Variants in CCDC180 observed in about 807,000 individuals in gnomAD.
The protein encoded by CCDC180 is coiled-coil domain containing 180.
A neutral mutation model predicts 209.2 loss-of-function variants in CCDC180; 154 were observed. The observed-to-expected ratio is 0.74, with a 90% CI of 0.65 to 0.84. CCDC180 has a LOEUF of 0.84. CCDC180 is among the 40% of genes least tolerant of loss of function. The pLI, the probability that CCDC180 is intolerant of heterozygous loss-of-function variation, is 0.00. For missense variants in CCDC180, 1,874 were observed against 1,997.3 expected, an observed-to-expected ratio of 0.94 and a Z score of 1.18; for synonymous variants, 778 against 749.1, an observed-to-expected ratio of 1.04 and a Z score of -0.63.
chr9:97,329,128 T>G (rs928079554), intron 16 of CCDC180, among the ~76,000 whole-genome samples: 1 of 152,150 alleles, frequency 6.6e-6, no homozygotes. Context: ...CCAGAAGAGA[T>G]TCCTGTTTAG....
intron 31 of CCDC180, among the ~76,000 whole-genome samples, chr9:97,368,822 C>G (rs1826997274): frequency 1.3e-5 from 2 of 152,164 alleles, no homozygotes; most frequent in Non-Finnish European, 2.9e-5. Flanking sequence ...AGACTAAGAG[C>G]TCACAGTAAT....
chr9:97,316,821 T>C (rs1362946538), intron 8 of CCDC180, among the ~76,000 whole-genome samples: 2 of 152,166 alleles, frequency 1.3e-5, no homozygotes, highest in Non-Finnish European at 2.9e-5. Context: ...GAGCTGAAGC[T>C]CATGCAGTCA....
chr9:97,330,561 A>G lies in CCDC180; in HGVS notation c.2068A>G (p.Ile690Val). 1 of 1,614,206 alleles carries G rather than the reference A, an allele frequency of 6.2e-7. No homozygotes were observed. The highest frequency in any genetic ancestry group is 8.5e-7 in the Non-Finnish European group (1 of 1,180,044). ...AKMDESKEGS[I>V]QGLEEMQVER... is the part of the protein sequence containing the mutation. ...GATGGATGAGTCCAAAGAAGGCTCT[A>G]TTCAGGGACTGGAAGAAATGCAGGT... The change falls in exon 18 of 37, where the codon ATT (isoleucine) becomes GTT (valine). Residue 690 changes from isoleucine (I) to valine (V), a missense_variant. Ile to Val is a conservative substitution (Grantham distance 29). Transcript: ENST00000529487.
In CCDC180 at chr9:97,330,151, T is replaced by C. The variant is rs932236368; in HGVS notation, c.1789-3T>C. The C allele has an allele frequency of 6.8e-6, 11 of 1,613,556 alleles. No individual in the cohort carries two copies. In the African/African-American group the frequency reaches 1.1e-4, roughly 16 times the overall value. The stretch of plus-strand genomic sequence containing the variant: ...TTCAGTGACTCTTGGTTTTTCCTTG[T>C]AGAACTTGGCTGGAGAAGTCATTTT... On this transcript the variant is annotated splice_region_variant and splice_polypyrimidine_tract_variant and intron_variant, in intron 16 of 36. Transcript: ENST00000529487.
At chr9:97,351,310 A>G (rs897129844) in intron 22 of CCDC180, among the ~76,000 whole-genome samples, 4 of 152,170 alleles carry the variant, frequency 2.6e-5, no homozygotes, top group Non-Finnish European at 4.4e-5. Flanking sequence ...ATTATCACCA[A>G]CGCTTGTACT....
chr9:97,318,687 G>T, intron 10 of CCDC180, 105 bp downstream of exon 10: 1 of 1,465,420 alleles, frequency 6.8e-7, no homozygotes, highest in Non-Finnish European at 9.2e-7. Context: ...AGACTAAGCA[G>T]ACCAACTCCC....
In CCDC180 at chr9:97,362,216, C is replaced by A; in HGVS notation, c.3677C>A (p.Pro1226Gln). 6.2e-7 allele frequency: 1 copy of A among 1,613,090 alleles called. No individual in the cohort carries two copies. The highest frequency in any genetic ancestry group is 8.5e-7 in the Non-Finnish European group (1 of 1,179,204). The change falls in exon 28 of 37, where the codon CCA becomes CAA. Residue 1226 changes from proline to glutamine, a missense_variant. Coordinates refer to ENST00000529487, the MANE Select transcript of CCDC180 (RefSeq NM_020893.6). ...TTCAGACTTCCCAACACAAAATGGC[C>A]AACCCACCATTGTGACAAAGATCCG... ...KLLQLPNTKW[P>Q]THHCDKDPSQ...
rs201085376 is a variant in CCDC180, at chr9:97,330,702, A to G, written c.2209A>G (p.Lys737Glu). ...GAAGGAGGAAGAGGAGGAGGAGGAGAAGCTGGAGGAAGAGAAGGAGGAGAA... is the reference window on the plus strand; with the variant it reads ...GAAGGAGGAAGAGGAGGAGGAGGAGGAGCTGGAGGAAGAGAAGGAGGAGAA... Reference protein sequence around the residue: ...DEKEEEEEEEKLEEEKEEKEA... With the variant: ...DEKEEEEEEEELEEEKEEKEA... Residue 737 changes from lysine to glutamate, a missense_variant, in exon 18 of 37, where the codon AAG (lysine) becomes GAG (glutamate). Coordinates refer to ENST00000529487, the MANE Select transcript of CCDC180 (RefSeq NM_020893.6). 8.2e-7 allele frequency: 1 copy of G among 1,212,612 alleles called. No individual in the cohort carries two copies. The allele number at this position is 1,212,612 out of a possible 1,614,324, so 75.1% of individuals were successfully genotyped here. A position where few individuals can be genotyped will look rare whatever the true frequency, so the allele number is the denominator to read the frequency against.
At chr9:97,309,346 C>A (rs1832903299) in intron 2 of CCDC180, 68 bp from the exon 3 acceptor site, 1 of 1,474,688 alleles carries the variant, frequency 6.8e-7, no homozygotes, top group Non-Finnish European at 9.2e-7. Flanking sequence ...CAGCCACCAT[C>A]AGCCTGAGAG....
At chr9:97,317,738 T>G (rs1833225198) in intron 9 of CCDC180, among the ~76,000 whole-genome samples, 1 of 152,170 alleles carries the variant, frequency 6.6e-6, no homozygotes, top group Admixed American at 6.5e-5. Flanking sequence ...GTGTCACTTT[T>G]GCTGTGGATG....
At chr9:97,354,743 C>T (rs776394671) in intron 23 of CCDC180, 30 bp downstream of exon 23, 4 of 1,613,808 alleles carry the variant, frequency 2.5e-6, no homozygotes, top group Non-Finnish European at 3.4e-6. Context: ...CCCAGGCCAA[C>T]CGGTTCCACA....
chr9:97,307,456 G>T (rs1284522656), upstream of CCDC180: 1 of 592,670 alleles, frequency 1.7e-6, no homozygotes, highest in Non-Finnish European at 3.1e-6. Context: ...GCCAGGGGCT[G>T]CTCAGTCTAC....
chr9:97,350,348 C>G (rs1826388682), intron 21 of CCDC180, 61 bp from the exon 22 acceptor site: 1 of 1,499,854 alleles, frequency 6.7e-7, no homozygotes, highest in Non-Finnish European at 8.9e-7. Context: ...ACCACCTGCC[C>G]CTCCCTTGTC....
chr9:97,323,777 C>T lies in CCDC180; in HGVS notation c.1249-4C>T, dbSNP rs1405835206. On this transcript the variant is annotated splice_polypyrimidine_tract_variant and splice_region_variant and intron_variant, in intron 12 of 36. Coordinates refer to ENST00000529487, the MANE Select transcript of CCDC180 (RefSeq NM_020893.6). ...CAGGCTCTGCCTTGTCCCACACACT[C>T]CAGAAGCAGCTGCTGGACTGGAAAG... The T allele has an allele frequency of 1.3e-6, 2 of 1,557,732 alleles. No individual in the cohort carries two copies. Among genetic ancestry groups the T allele is most frequent in the South Asian group, 1.2e-5 (1 of 84,268 alleles).
rs748104201 is a variant in CCDC180 at position 97,314,909 on chromosome 9, G to A, written c.758G>A (p.Arg253Gln). 3.1e-6 allele frequency: 5 copies of A among 1,614,122 alleles called. No homozygotes were observed. The highest frequency in any genetic ancestry group is 1.1e-5 in the South Asian group (1 of 91,084). Residue 253 changes from arginine to glutamine, a missense_variant, in exon 8 of 37, where the codon CGG becomes CAG. Arg to Gln is a conservative substitution (Grantham distance 43, BLOSUM62 1). Transcript: ENST00000529487. ...ATAGAGAAAACTTCCTACCTCATGCGGCCCGAAGTGTACAGGCTGATAAAT... is the reference window on the plus strand; with the variant it reads ...ATAGAGAAAACTTCCTACCTCATGCAGCCCGAAGTGTACAGGCTGATAAAT... The part of the protein sequence containing the change: ...EVIEKTSYLM[R>Q]PEVYRLINEE...
rs760223085 is a variant in CCDC180 at position 97,354,742 on chromosome 9, A to G, written c.3147+29A>G. Reference sequence around the variant, plus strand: ...GGGCCCCCAGCCAGGCCCCAGGCCAACCGGTTCCACAGTATCCCTTGCTCA... The same window carrying G: ...GGGCCCCCAGCCAGGCCCCAGGCCAGCCGGTTCCACAGTATCCCTTGCTCA... On this transcript the variant is annotated intron_variant, in intron 23 of 36. Transcript: ENST00000529487. 6 of 1,613,984 alleles carry G rather than the reference A, an allele frequency of 3.7e-6. No individual in the cohort carries two copies. In the South Asian group the frequency reaches 5.5e-5, roughly 15 times the overall value.
At chr9:97,376,702 C>G in intron 36 of CCDC180, 61 bp from the exon 37 acceptor site, 1 of 1,573,120 alleles carries the variant, frequency 6.4e-7, no homozygotes. Flanking sequence ...CAGCATTGCC[C>G]TAGGGGAGAG....
chr9:97,330,019 G>T, intron 16 of CCDC180, 135 bp from the exon 17 acceptor site: 2 of 712,258 alleles, frequency 2.8e-6, no homozygotes, highest in Non-Finnish European at 4.6e-6. Flanking sequence ...AGCGAACCAA[G>T]ACCGCGCCAC....
chr9:97,359,866 A>G (rs1826700016), intron 25 of CCDC180, 116 bp from the exon 26 acceptor site: 6 of 1,371,284 alleles, frequency 4.4e-6, no homozygotes, highest in Non-Finnish European at 5.0e-6. Context: ...AGGAGCCTCC[A>G]TTAAGCCAAG....
Sources: gnomAD v4.1 joint callset for allele counts (sites outside exome capture counted in the v4.1 genomes callset) on GRCh38, gnomAD v4.1.1 for gene constraint, MANE v1.5 for transcripts, NCBI Gene and HGNC (gene_info 2026-07-23, HGNC 2026-07-21) for gene names.